The following PCDH9 variants were observed in gnomAD, a reference collection of about 807,000 sequenced individuals.
The protein encoded by PCDH9 is protocadherin 9, also known as protocadherin-9.
In PCDH9, 24 loss-of-function variants were observed where a neutral mutation model predicts 70.6. The ratio of observed to expected loss-of-function variants is 0.34; its 90% confidence interval spans 0.25 to 0.48. PCDH9 has a LOEUF of 0.48. Ranked by LOEUF, PCDH9 falls within the 20% of genes least tolerant of loss-of-function variation. PCDH9 has a pLI of 0.99. For synonymous variants in PCDH9, 562 were observed against 558.5 expected (o/e 1.01, Z -0.09); for missense variants, 1,281 against 1,503.6 (o/e 0.85, Z 2.45).
chr13:66,407,211 C>T (rs753734456), intron 4 of PCDH9, among the ~76,000 whole-genome samples: 7 of 152,084 alleles, frequency 4.6e-5, no homozygotes, highest in East Asian at 1.9e-4. Context: ...AACAAAGCAA[C>T]GAAAAAGGCA....
intron 4 of PCDH9, among the ~76,000 whole-genome samples, chr13:66,451,064 C>T (rs562300533): frequency 3.6e-4 from 55 of 152,224 alleles, no homozygotes; most frequent in South Asian, 1.0e-3. Context: ...ATGTAAATGA[C>T]GAGTGAATGG....
chr13:66,771,642 C>A (rs1298432772), intron 3 of PCDH9, among the ~76,000 whole-genome samples: 1 of 152,166 alleles, frequency 6.6e-6, no homozygotes, highest in Non-Finnish European at 1.5e-5. Context: ...GGTAAGGAGG[C>A]AGTATAGAGT....
chr13:67,228,732 C>T (rs976442635), intron 1 of PCDH9, among the ~76,000 whole-genome samples, 157 bp from the exon 2 acceptor site: 2 of 152,240 alleles, frequency 1.3e-5, no homozygotes, highest in Non-Finnish European at 2.9e-5. Flanking sequence ...CACTAAATAT[C>T]TCCTGCTGGT....
At chr13:66,597,505 G>A (rs2077117675) in intron 4 of PCDH9, among the ~76,000 whole-genome samples, 1 of 151,712 alleles carries the variant, frequency 6.6e-6, no homozygotes. Flanking sequence ...AACAAATGGT[G>A]CTGGGAAGAC....
At chr13:66,509,024 C>A (rs768717864) in intron 4 of PCDH9, among the ~76,000 whole-genome samples, 3 of 151,998 alleles carry the variant, frequency 2.0e-5, no homozygotes, top group African/African-American at 7.2e-5. Flanking sequence ...ATATATGAAG[C>A]CTCCTGTGGA....
At chr13:66,809,230 G>A (rs1399341128) in intron 3 of PCDH9, among the ~76,000 whole-genome samples, 2 of 152,158 alleles carry the variant, frequency 1.3e-5, no homozygotes, top group South Asian at 2.1e-4. Flanking sequence ...TTACAGGCAT[G>A]AGCCACCGCG....
intron 3 of PCDH9, among the ~76,000 whole-genome samples, chr13:66,762,187 C>T (rs906726184): frequency 4.6e-5 from 7 of 152,036 alleles, no homozygotes; most frequent in Admixed American, 3.9e-4. Flanking sequence ...CTGAGGCTTT[C>T]ACATTGCCAG....
At chr13:67,052,225 G>A (rs2095582072) in intron 2 of PCDH9, among the ~76,000 whole-genome samples, 1 of 152,056 alleles carries the variant, frequency 6.6e-6, no homozygotes, top group Admixed American at 6.6e-5. Context: ...ATATAGCCAG[G>A]GGCTCAGTAA....
At chr13:67,183,377 C>G (rs2088666756) in intron 2 of PCDH9, among the ~76,000 whole-genome samples, 1 of 152,098 alleles carries the variant, frequency 6.6e-6, no homozygotes, top group Admixed American at 6.6e-5. Flanking sequence ...TTTCAAGTTC[C>G]TGCATTCACA....
At chr13:66,426,832 T>C (rs1168451242) in intron 4 of PCDH9, among the ~76,000 whole-genome samples, 1 of 151,572 alleles carries the variant, frequency 6.6e-6, no homozygotes, top group African/African-American at 2.4e-5. Context: ...GTGTAAAAAA[T>C]GTCCAAGCAG....
At chr13:66,711,148 T>C (rs1363875609) in intron 3 of PCDH9, among the ~76,000 whole-genome samples, 2 of 152,168 alleles carry the variant, frequency 1.3e-5, no homozygotes, top group Non-Finnish European at 2.9e-5. Flanking sequence ...CAACAGAGAA[T>C]TGACAGAAAA....
At chr13:66,949,333 C>G (rs557560172) in intron 2 of PCDH9, among the ~76,000 whole-genome samples, 1 of 152,098 alleles carries the variant, frequency 6.6e-6, no homozygotes, top group East Asian at 1.9e-4. Context: ...CATTAAAAAG[C>G]CTTTTGGAAT....
chr13:66,386,869 C>T (rs17081224), intron 4 of PCDH9, among the ~76,000 whole-genome samples: 4,173 of 152,166 alleles, frequency 0.027, 155 homozygotes, highest in African/African-American at 0.079. Flanking sequence ...TATATGATGT[C>T]ATAGTTTCTC....
chr13:67,107,526 A>G (rs1004614116), intron 2 of PCDH9, among the ~76,000 whole-genome samples: 2 of 152,264 alleles, frequency 1.3e-5, no homozygotes, highest in Admixed American at 1.3e-4. Context: ...GCAGAAAGGC[A>G]CTACCCACTG....
intron 2 of PCDH9, among the ~76,000 whole-genome samples, chr13:67,179,803 G>C (rs1378741887): frequency 1.3e-5 from 2 of 152,012 alleles, no homozygotes; most frequent in Non-Finnish European, 2.9e-5. Context: ...TTTCTTGGGT[G>C]TGTTATCATT....
intron 3 of PCDH9, among the ~76,000 whole-genome samples, chr13:66,728,663 C>A (rs75846664): frequency 6.6e-6 from 1 of 151,980 alleles, no homozygotes; most frequent in South Asian, 2.1e-4. Context: ...ACTAAGAATG[C>A]CTTCAAATAA....
Position 67,133,315 on chromosome 13 carries a change from G to A in PCDH9, c.3036+92090C>T, listed in dbSNP as rs191844308. ...TCACAGGATAGAAATAGGGACAACC[G>A]ATAAAAATAACAAAGAAGATTTTAG... On this transcript the variant is annotated intron_variant, in intron 2 of 4. Coordinates refer to ENST00000377865, the MANE Select transcript of PCDH9 (RefSeq NM_203487.3). Among the ~76,000 whole-genome samples the A allele has an allele frequency of 6.6e-5, 10 of 152,044 alleles. No homozygotes were observed. The East Asian group carries it at 1.2e-3, about 18-fold the overall frequency.
intron 2 of PCDH9, among the ~76,000 whole-genome samples, chr13:67,135,159 T>C (rs1156527207): frequency 6.6e-6 from 1 of 152,164 alleles, no homozygotes; most frequent in Non-Finnish European, 1.5e-5. Flanking sequence ...AGTTTTAAGA[T>C]GCAGTTGATG....
intron 2 of PCDH9, chr13:67,214,765 G>T (rs1394468958): frequency 6.6e-6 from 1 of 151,298 alleles, no homozygotes; most frequent in African/African-American, 2.4e-5. Context: ...ACACAGGTGA[G>T]TCGTGAAAAA....
Sources: gnomAD v4.1 joint callset for allele counts (sites outside exome capture counted in the v4.1 genomes callset) on GRCh38, gnomAD v4.1.1 for gene constraint, MANE v1.5 for transcripts, NCBI Gene and HGNC (gene_info 2026-07-23, HGNC 2026-07-21) for gene names.